Variants in MICAL2 observed in about 807,000 individuals in gnomAD.
MICAL2 encodes microtubule associated monooxygenase, calponin and LIM domain containing 2, also known as [F-actin]-monooxygenase MICAL2.
A neutral mutation model predicts 127.3 loss-of-function variants in MICAL2; 77 were observed. The ratio of observed to expected loss-of-function variants is 0.60; its 90% CI spans 0.50 to 0.73. The LOEUF is 0.73. MICAL2 is among the 30% of genes least tolerant of loss of function. The probability of loss-of-function intolerance (pLI) is 0.00; values close to 1 mark genes in which losing one functional copy is unlikely to be tolerated. For synonymous variants in MICAL2, 570 were observed against 551.1 expected, an observed-to-expected ratio of 1.03 and a Z score of -0.48; for missense variants, 1,351 against 1,434.4, an observed-to-expected ratio of 0.94 and a Z score of 0.94.
downstream of MICAL2, chr11:12,294,267 G>T (rs1863944853): frequency 6.2e-7 from 1 of 1,614,158 alleles, no homozygotes; most frequent in Non-Finnish European, 8.5e-7. Context: ...GCCATCCGAA[G>T]GTCTCTAGAG....
At chr11:12,112,455 T>C (rs1204094304) in intron 1 of MICAL2, among the ~76,000 whole-genome samples, 1 of 151,880 alleles carries the variant, frequency 6.6e-6, no homozygotes, top group Non-Finnish European at 1.5e-5. Flanking sequence ...TGGCCTCACC[T>C]CTGAGAAGCT....
At chr11:12,205,348 T>C (rs527926099) in intron 4 of MICAL2, among the ~76,000 whole-genome samples, 1 of 152,288 alleles carries the variant, frequency 6.6e-6, no homozygotes, top group African/African-American at 2.4e-5. Context: ...AGGTTTGAAC[T>C]GCAAGGGTCC....
chr11:12,238,231 C>T (rs922857667), intron 16 of MICAL2, among the ~76,000 whole-genome samples: 5 of 152,220 alleles, frequency 3.3e-5, no homozygotes, highest in Admixed American at 2.0e-4. Context: ...TGCCCACTTG[C>T]TGTGGCAGCA....
chr11:12,361,664 G>T (rs917886176), downstream of MICAL2, among the ~76,000 whole-genome samples: 6 of 152,220 alleles, frequency 3.9e-5, no homozygotes, highest in African/African-American at 1.4e-4. Context: ...AACCGAGAAA[G>T]GAAGTGGCAG....
downstream of MICAL2, among the ~76,000 whole-genome samples, chr11:12,360,307 T>A (rs1171530469): frequency 6.6e-6 from 1 of 152,154 alleles, no homozygotes; most frequent in African/African-American, 2.4e-5. Flanking sequence ...TCAGGTGTTA[T>A]AATTTGGAGA....
At chr11:12,155,391 A>T (rs1362405862) in intron 2 of MICAL2, among the ~76,000 whole-genome samples, 2 of 152,194 alleles carry the variant, frequency 1.3e-5, no homozygotes, top group East Asian at 1.9e-4. Flanking sequence ...ACATGAATAC[A>T]CATACATATG....
At chr11:12,338,454 G>C (rs12283254) in intron 32 of MICAL2, among the ~76,000 whole-genome samples, 4 of 151,944 alleles carry the variant, frequency 2.6e-5, no homozygotes, top group Non-Finnish European at 4.4e-5. Flanking sequence ...GCCCATTTAC[G>C]TTTAAGGGTA....
At chr11:12,203,191 G>A (rs7118711) in intron 3 of MICAL2, among the ~76,000 whole-genome samples, 32,274 of 152,034 alleles carry the variant, frequency 0.21, 6,747 homozygotes, top group African/African-American at 0.52. Flanking sequence ...CTTTTACTTT[G>A]GGGCTATTGT....
intron 8 of MICAL2, among the ~76,000 whole-genome samples, chr11:12,219,319 T>C (rs1856542730): frequency 6.6e-6 from 1 of 152,110 alleles, no homozygotes; most frequent in South Asian, 2.1e-4. Context: ...CTGTGTTTCA[T>C]TGCTAGTGTC....
rs200214813 is a variant in MICAL2 at position 12,249,170 on chromosome 11, C to T, written c.2785-14C>T. 10 of 1,613,626 alleles carry T rather than the reference C, an allele frequency of 6.2e-6. No homozygotes were observed. In the East Asian group the frequency reaches 2.2e-4, roughly 36 times the overall value. On this transcript the variant is annotated splice_polypyrimidine_tract_variant and intron_variant, in intron 21 of 27. Transcript: ENST00000683283. Reference sequence around the variant, plus strand: ...ATTTACCTAAAATGCATGTTGATCCCTCTCTTTCTAAAGGAAAAGAAGTCA... The same window carrying T: ...ATTTACCTAAAATGCATGTTGATCCTTCTCTTTCTAAAGGAAAAGAAGTCA...
At chr11:12,125,120 C>T (rs1263016384) in intron 1 of MICAL2, among the ~76,000 whole-genome samples, 2 of 152,266 alleles carry the variant, frequency 1.3e-5, no homozygotes, top group African/African-American at 2.4e-5. Context: ...GAGCTCATCT[C>T]TGGCTAGCCT....
rs561942054 is a variant in MICAL2 at position 12,139,026 on chromosome 11, C to A, written c.-78+566C>A. On this transcript the variant is annotated intron_variant, in intron 2 of 27. Coordinates refer to ENST00000683283, the MANE Select transcript of MICAL2 (RefSeq NM_001282663.2). Reference sequence around the variant, plus strand: ...CCCAGGACTCACGTTTTCTGTGTCCCAGGCTAGCCTGGTTTCTGTAACCTT... The same window carrying A: ...CCCAGGACTCACGTTTTCTGTGTCCAAGGCTAGCCTGGTTTCTGTAACCTT... Among the ~76,000 whole-genome samples, 317 of 152,248 alleles carry A rather than the reference C, an allele frequency of 2.1e-3. 3 individuals carry two copies. The highest frequency in any genetic ancestry group is 0.014 in the Middle Eastern group (4 of 294).
chr11:12,224,130 T>C (rs1229295158), intron 12 of MICAL2, among the ~76,000 whole-genome samples: 1 of 152,144 alleles, frequency 6.6e-6, no homozygotes, highest in Non-Finnish European at 1.5e-5. Context: ...CATTTTACTG[T>C]TACGCAAACA....
chr11:12,327,250 G>A (rs757130529), exon 32 of MICAL2: 76 of 1,550,586 alleles, frequency 4.9e-5, no homozygotes, highest in Middle Eastern at 3.9e-4. Context: ...TGGAGAAGGC[G>A]TTGCGAGGAG....
chr11:12,151,796 C>T (rs1237466300), intron 2 of MICAL2, among the ~76,000 whole-genome samples: 3 of 152,150 alleles, frequency 2.0e-5, no homozygotes, highest in Admixed American at 1.3e-4. Flanking sequence ...GTCACCTGGA[C>T]TCACAGCTGC....
At chr11:12,240,052 C>G (rs1308360272) in intron 17 of MICAL2, among the ~76,000 whole-genome samples, 2 of 152,204 alleles carry the variant, frequency 1.3e-5, no homozygotes, top group African/African-American at 4.8e-5. Flanking sequence ...TGGGAAAGTA[C>G]AAAGTCCACA....
At chr11:12,282,875 G>C (rs1863786668) in intron 2 of MICAL2, among the ~76,000 whole-genome samples, 1 of 152,170 alleles carries the variant, frequency 6.6e-6, no homozygotes, top group South Asian at 2.1e-4. Context: ...CTTGCTGGAA[G>C]GTGAGGGCAT....
intron 1 of MICAL2, among the ~76,000 whole-genome samples, chr11:12,117,644 G>T (rs1377464548): frequency 6.6e-6 from 1 of 152,166 alleles, no homozygotes; most frequent in Admixed American, 6.5e-5. Context: ...CAGGGGCTTG[G>T]TTGCTGAGCC....
At chr11:12,168,993 A>C (rs923047892) in intron 3 of MICAL2, among the ~76,000 whole-genome samples, 2 of 151,796 alleles carry the variant, frequency 1.3e-5, no homozygotes, top group Admixed American at 1.3e-4. Flanking sequence ...GAGAAAAAAA[A>C]AGACAAGACA....
Sources: allele counts gnomAD v4.1 joint callset (sites outside exome capture counted in the v4.1 genomes callset), GRCh38; gene constraint gnomAD v4.1.1; transcripts MANE v1.5; gene names NCBI Gene and HGNC (gene_info 2026-07-23, HGNC 2026-07-21).